TACC2: variants seen among roughly 807,000 people sequenced by gnomAD.
TACC2 encodes the protein transforming acidic coiled-coil containing protein 2, also known as transforming acidic coiled-coil-containing protein 2.
In TACC2, 137 loss-of-function variants were observed where a neutral mutation model predicts 227.3. The ratio of observed to expected loss-of-function variants is 0.60; its 90% CI spans 0.52 to 0.69. The LOEUF (loss-of-function observed/expected upper bound fraction) is 0.69, where lower values mean the gene tolerates loss of function less well. Ranked by LOEUF, TACC2 falls within the 30% of genes least tolerant of loss-of-function variation. TACC2 has a pLI of 0.00. For missense variants in TACC2, 3,470 were observed against 3,694.4 expected (o/e 0.94, Z 1.57); for synonymous variants, 1,523 against 1,487.5 (o/e 1.02, Z -0.55).
chr10:122,233,339 G>A (rs1266620490), intron 16 of TACC2, among the ~76,000 whole-genome samples: 3 of 152,238 alleles, frequency 2.0e-5, no homozygotes. Flanking sequence ...AAGAGGCACA[G>A]GCTGTGGGCC....
rs962667789 is a variant in TACC2 at position 122,021,821 on chromosome 10, C to T, written c.-45-116C>T. The T allele has an allele frequency of 2.8e-5, 18 of 635,820 alleles. No homozygotes were observed. The Middle Eastern group carries it at 8.5e-4, about 30-fold the overall frequency. 39.4% of individuals were successfully genotyped at this position (635,820 alleles called of 1,614,324 possible). A position where few individuals can be genotyped will look rare whatever the true frequency, so the allele number is the denominator to read the frequency against. ...CAAAAGTAATTTTCCATGATGTGACCGTAGAGATAAACATTTCCCATCATC... is the reference window on the plus strand; with the variant it reads ...CAAAAGTAATTTTCCATGATGTGACTGTAGAGATAAACATTTCCCATCATC... On this transcript the variant is annotated intron_variant, in intron 1 of 22. Coordinates refer to ENST00000369005, the MANE Select transcript of TACC2 (RefSeq NM_206862.4).
At position 122,140,213 on chromosome 10, in the gene TACC2, C is replaced by T. The variant is rs192477482; in HGVS notation, c.5700-3359C>T. 3.7e-3 allele frequency among the ~76,000 whole-genome samples: 562 copies of T among 152,256 alleles called. 4 individuals are homozygous for T. The highest frequency in any genetic ancestry group is 0.01 in the African/African-American group (422 of 41,556). The stretch of plus-strand genomic sequence containing the variant: ...TCTCTGATCCATTGGTAATGGTTCT[C>T]TAGGGATCTGTGTTGCGATGGATTC... On this transcript the variant is annotated intron_variant, in intron 6 of 22. Transcript: ENST00000369005.
At chr10:122,221,052 G>A (rs1394685114) in intron 11 of TACC2, among the ~76,000 whole-genome samples, 1 of 152,232 alleles carries the variant, frequency 6.6e-6, no homozygotes, top group African/African-American at 2.4e-5. Flanking sequence ...CATAGGAGCA[G>A]AATGTTGCAG....
chr10:122,041,963 T>G (rs2074332401), intron 2 of TACC2, among the ~76,000 whole-genome samples: 1 of 151,526 alleles, frequency 6.6e-6, no homozygotes, highest in Non-Finnish European at 1.5e-5. Flanking sequence ...TTTTCTTTTT[T>G]GAGACGGAGT....
At chr10:122,203,375 C>T (rs1351870316) in intron 8 of TACC2, among the ~76,000 whole-genome samples, 6 of 148,534 alleles carry the variant, frequency 4.0e-5, no homozygotes, top group Admixed American at 2.0e-4. Context: ...GGCTGACCCC[C>T]CCACCTCCCT....
chr10:122,174,453 T>C (rs1437554116), intron 7 of TACC2, among the ~76,000 whole-genome samples: 1 of 152,216 alleles, frequency 6.6e-6, no homozygotes, highest in East Asian at 1.9e-4. Context: ...TCATTTATGA[T>C]GTCGGTGAAA....
Position 122,084,311 on chromosome 10 carries a change from G to T in TACC2, c.1811G>T (p.Ser604Ile). 1 of 1,613,990 alleles carries T rather than the reference G, an allele frequency of 6.2e-7. No individual in the cohort carries two copies. Among genetic ancestry groups the T allele is most frequent in the African/African-American group, 1.3e-5 (1 of 75,070 alleles). Reference protein sequence around the residue: ...LQGEDSQAFSSKRDPEVGKDE... With the variant: ...LQGEDSQAFSIKRDPEVGKDE... ...GGAGAGGACTCTCAGGCTTTCAGCA[G>T]CAAGCGTGATCCAGAAGTAGGCAAA... The change falls in exon 4 of 23, where the codon AGC (serine) becomes ATC (isoleucine). Residue 604 changes from serine to isoleucine, a missense_variant. Coordinates refer to ENST00000369005, the MANE Select transcript of TACC2 (RefSeq NM_206862.4).
chr10:122,000,630 T>G (rs1057302565), intron 1 of TACC2, among the ~76,000 whole-genome samples: 2 of 152,158 alleles, frequency 1.3e-5, no homozygotes, highest in African/African-American at 2.4e-5. Context: ...TATTATGGAC[T>G]TTTCAAGTAT....
chr10:122,054,631 T>TCCATTTCCTGTGCTC (rs1301778776), intron 3 of TACC2, among the ~76,000 whole-genome samples: 3 of 152,166 alleles, frequency 2.0e-5, no homozygotes, highest in Non-Finnish European at 4.4e-5. Flanking sequence ...TTCCTGTGCT[T>TCCATTTCCTGTGCTC]CCATTTCCTG....
chr10:122,167,313 G>A (rs1443642065), intron 7 of TACC2, among the ~76,000 whole-genome samples: 1 of 152,252 alleles, frequency 6.6e-6, no homozygotes, highest in East Asian at 1.9e-4. Flanking sequence ...AGCGATGGAG[G>A]AGGAAGCAAC....
intron 2 of TACC2, among the ~76,000 whole-genome samples, chr10:122,038,225 C>T (rs1212004175): frequency 2.0e-5 from 3 of 152,142 alleles, no homozygotes; most frequent in East Asian, 1.9e-4. Flanking sequence ...GCCAAGATGG[C>T]GCCACTGCAC....
chr10:122,036,368 AT>A (rs1392461232), intron 2 of TACC2, among the ~76,000 whole-genome samples: 5 of 148,302 alleles, frequency 3.4e-5, no homozygotes, highest in African/African-American at 7.5e-5. Context: ...AATTTTTTGT[AT>A]TTTTTAGTAG....
intron 7 of TACC2, chr10:122,163,329 ACT>A (rs2092934809): frequency 7.0e-6 from 1 of 142,002 alleles, no homozygotes; most frequent in Non-Finnish European, 1.5e-5. Flanking sequence ...TGAGCCCCCT[ACT>A]CTCTCGGTGG....
At chr10:122,015,895 C>T (rs1419979937) in intron 1 of TACC2, among the ~76,000 whole-genome samples, 1 of 151,860 alleles carries the variant, frequency 6.6e-6, no homozygotes, top group Non-Finnish European at 1.5e-5. Flanking sequence ...AAGGCCATTC[C>T]CTCTGTGCCC....
chr10:122,225,830 C>T (rs1364041541), intron 12 of TACC2, among the ~76,000 whole-genome samples: 3 of 152,260 alleles, frequency 2.0e-5, no homozygotes, highest in South Asian at 2.1e-4. Flanking sequence ...ACCTGCCGGC[C>T]GTTGCAGGGA....
At chr10:122,038,751 T>A (rs537773458) in intron 2 of TACC2, among the ~76,000 whole-genome samples, 27 of 151,996 alleles carry the variant, frequency 1.8e-4, no homozygotes, top group Non-Finnish European at 3.4e-4. Context: ...AGGTTATAAT[T>A]GCATTTCTAA....
intron 11 of TACC2, among the ~76,000 whole-genome samples, chr10:122,219,764 G>A (rs986893730): frequency 3.3e-5 from 5 of 152,156 alleles, no homozygotes; most frequent in African/African-American, 1.2e-4. Context: ...GGGGCCGGGC[G>A]TGGTGGCTCA....
At chr10:122,057,629 C>T (rs1012142772) in intron 3 of TACC2, among the ~76,000 whole-genome samples, 2 of 149,908 alleles carry the variant, frequency 1.3e-5, no homozygotes, top group Non-Finnish European at 3.0e-5. Flanking sequence ...ATGGAGAAAC[C>T]CTGTCTCTAC....
intron 7 of TACC2, among the ~76,000 whole-genome samples, chr10:122,190,309 A>G (rs572785170): frequency 1.2e-4 from 18 of 152,308 alleles, no homozygotes; most frequent in East Asian, 1.9e-4. Flanking sequence ...TTTGGGGCCA[A>G]TTTCCACGCC....
Sources: gnomAD v4.1 joint callset for allele counts (sites outside exome capture counted in the v4.1 genomes callset) on GRCh38, gnomAD v4.1.1 for gene constraint, MANE v1.5 for transcripts, NCBI Gene and HGNC (gene_info 2026-07-23, HGNC 2026-07-21) for gene names.